Variants in SHISA9 observed in about 807,000 individuals in gnomAD.
The protein encoded by SHISA9 is shisa family member 9.
A neutral mutation model predicts 38.0 loss-of-function variants in SHISA9; 13 were observed. The observed-to-expected ratio is 0.34, with a 90% CI of 0.22 to 0.54. SHISA9 has a LOEUF of 0.54. Among genes scored for constraint, SHISA9 ranks in the 20% least tolerant of loss-of-function variants. The pLI, the probability that SHISA9 is intolerant of heterozygous loss-of-function variation, is 0.91. For missense variants in SHISA9, 538 were observed against 575.8 expected (o/e 0.93, Z 0.67); for synonymous variants, 275 against 242.0 (o/e 1.14, Z -1.27).
At chr16:13,140,572 A>T (rs1248047942) in intron 2 of SHISA9, among the ~76,000 whole-genome samples, 1 of 152,170 alleles carries the variant, frequency 6.6e-6, no homozygotes, top group Non-Finnish European at 1.5e-5. Flanking sequence ...TTCTGCATTT[A>T]ATTTACAGCA....
At chr16:13,531,288 G>GCT in the SHISA9 span, among the ~76,000 whole-genome samples, 2 of 152,248 alleles carry the variant, frequency 1.3e-5, no homozygotes, top group East Asian at 1.9e-4. Flanking sequence ...AAAATGATTA[G>GCT]CTCTTAACAC....
intron 2 of SHISA9, among the ~76,000 whole-genome samples, chr16:13,130,220 A>C (rs980100343): frequency 6.6e-6 from 1 of 152,266 alleles, no homozygotes; most frequent in South Asian, 2.1e-4. Context: ...TGAGTCAATC[A>C]TTGATTATGT....
chr16:13,012,487 G>A (rs2072690563), intron 2 of SHISA9, among the ~76,000 whole-genome samples: 1 of 152,172 alleles, frequency 6.6e-6, no homozygotes, highest in Non-Finnish European at 1.5e-5. Context: ...CACAGGGACT[G>A]GGGAGGGAGA....
Position 12,902,195 on chromosome 16 carries a change from G to A in SHISA9, c.131G>A (p.Gly44Asp). ...QLGGVLLLAG[G>D]NRSGAASGEA... ...GGCGGCGTGTTGCTGCTGGCGGGGGGCAACCGCTCCGGGGCCGCCTCCGGA... is the reference window on the plus strand; with the variant it reads ...GGCGGCGTGTTGCTGCTGGCGGGGGACAACCGCTCCGGGGCCGCCTCCGGA... Residue 44 changes from glycine to aspartate, a missense_variant, in exon 1 of 5, where the codon GGC becomes GAC. By Grantham distance (94) the Gly-to-Asp change is moderately conservative. This residue lies in a region of SHISA9 where 107 missense variants were observed against 103.0 expected (regional missense o/e 1.04). Coordinates refer to ENST00000558583, the MANE Select transcript of SHISA9 (RefSeq NM_001145204.3). 1 of 1,530,220 alleles carries A rather than the reference G, an allele frequency of 6.5e-7. No homozygotes were observed. The highest frequency in any genetic ancestry group is 8.7e-7 in the Non-Finnish European group (1 of 1,143,582). 94.8% of individuals were successfully genotyped at this position (1,530,220 alleles called of 1,614,324 possible).
intron 2 of SHISA9, among the ~76,000 whole-genome samples, chr16:13,199,848 T>C (rs543570675): frequency 3.3e-5 from 5 of 152,274 alleles, no homozygotes; most frequent in Admixed American, 6.5e-5. Flanking sequence ...AATTACTGTA[T>C]AGCACAATGA....
the SHISA9 span, among the ~76,000 whole-genome samples, chr16:13,320,292 CAAAAAAAAAAAA>C: frequency 1.0e-4 from 4 of 38,978 alleles, no homozygotes; most frequent in Non-Finnish European, 1.8e-4. Context: ...GACTCTGTCT[CAAAAAAAAAAAA>C]AAAAAAAAAA....
chr16:13,255,308 T>C, the SHISA9 span, among the ~76,000 whole-genome samples: 3 of 152,192 alleles, frequency 2.0e-5, no homozygotes, highest in African/African-American at 7.2e-5. Context: ...TTTTGTTTCA[T>C]GCATTTCTCA....
At chr16:13,465,780 G>A in the SHISA9 span, among the ~76,000 whole-genome samples, 1 of 152,218 alleles carries the variant, frequency 6.6e-6, no homozygotes, top group Non-Finnish European at 1.5e-5. Flanking sequence ...AGAAAAAGCT[G>A]CTGCAACGAT....
chr16:12,906,800 G>A lies in SHISA9; in HGVS notation c.563+4173G>A, dbSNP rs1484655401. 3.3e-5 allele frequency among the ~76,000 whole-genome samples: 5 copies of A among 152,140 alleles called. No homozygotes were observed. In the South Asian group the frequency reaches 8.3e-4, roughly 25 times the overall value. ...GGAGAATCCTGCGTTGTACGGGGCT[G>A]TCCTGTGCATGGCAAGATATTTGGC... On this transcript the variant is annotated intron_variant, in intron 1 of 4. Transcript: ENST00000558583.
intron 2 of SHISA9, among the ~76,000 whole-genome samples, chr16:13,118,551 A>G (rs939271199): frequency 2.0e-5 from 3 of 151,942 alleles, no homozygotes; most frequent in Admixed American, 2.0e-4. Context: ...CACCTGGAGG[A>G]TTGTGCTAAA....
chr16:13,491,961 G>A, the SHISA9 span, among the ~76,000 whole-genome samples: 106 of 148,728 alleles, frequency 7.1e-4, no homozygotes, highest in African/African-American at 2.5e-3. Context: ...ACAAGCATGA[G>A]CCACCATGTC....
At chr16:13,072,239 A>G (rs993200185) in intron 2 of SHISA9, among the ~76,000 whole-genome samples, 5 of 152,244 alleles carry the variant, frequency 3.3e-5, no homozygotes, top group African/African-American at 9.6e-5. Context: ...CCAGTACCCA[A>G]TGCAGGTAAG....
the SHISA9 span, among the ~76,000 whole-genome samples, chr16:13,402,616 A>T: frequency 6.6e-6 from 1 of 151,298 alleles, no homozygotes; most frequent in African/African-American, 2.4e-5. Flanking sequence ...GGTTGAAGCA[A>T]TTCTCCTGCC....
chr16:13,220,870 G>A (rs1315903000), intron 4 of SHISA9, among the ~76,000 whole-genome samples: 1 of 152,128 alleles, frequency 6.6e-6, no homozygotes, highest in African/African-American at 2.4e-5. Flanking sequence ...GAGAGAAAGG[G>A]CCTGAGGTTT....
the SHISA9 span, among the ~76,000 whole-genome samples, chr16:13,443,917 A>C: frequency 6.6e-6 from 1 of 152,234 alleles, no homozygotes; most frequent in African/African-American, 2.4e-5. Context: ...GTAGAAGTCC[A>C]GCCTAGAAGT....
chr16:13,426,186 G>A, the SHISA9 span, among the ~76,000 whole-genome samples: 18 of 152,256 alleles, frequency 1.2e-4, no homozygotes, highest in African/African-American at 3.4e-4. Context: ...AATAGCTGCC[G>A]TTTATTGGGA....
At chr16:13,122,326 A>C (rs1023020305) in intron 2 of SHISA9, among the ~76,000 whole-genome samples, 6 of 152,270 alleles carry the variant, frequency 3.9e-5, no homozygotes, top group Middle Eastern at 6.8e-3. Context: ...ACTTCTTGCC[A>C]AGCCACCAAC....
chr16:12,931,357 C>T (rs1203044758), intron 2 of SHISA9, among the ~76,000 whole-genome samples: 1 of 152,138 alleles, frequency 6.6e-6, no homozygotes, highest in Non-Finnish European at 1.5e-5. Context: ...GTGCTAAGGT[C>T]CGGGGTGCAA....
At chr16:13,556,852 C>T in the SHISA9 span, among the ~76,000 whole-genome samples, 1 of 151,988 alleles carries the variant, frequency 6.6e-6, no homozygotes, top group East Asian at 1.9e-4. Context: ...GTAGCATTTA[C>T]ATTGTATTAG....
Sources: allele counts gnomAD v4.1 joint callset (sites outside exome capture counted in the v4.1 genomes callset), GRCh38; gene constraint gnomAD v4.1.1; regional missense constraint gnomAD v4.1.1; transcripts MANE v1.5; gene names NCBI Gene and HGNC (gene_info 2026-07-23, HGNC 2026-07-21).